Variants in CTNNA2 observed in about 807,000 individuals in gnomAD.
The protein encoded by CTNNA2 is catenin alpha 2, also known as catenin alpha-2.
In CTNNA2, 42 loss-of-function variants were observed where a neutral mutation model predicts 101.0. That is an observed-to-expected ratio of 0.42 (90% CI 0.32 to 0.54). The LOEUF (loss-of-function observed/expected upper bound fraction) is 0.54. Ranked by LOEUF, CTNNA2 falls within the 20% of genes least tolerant of loss-of-function variation. The probability of loss-of-function intolerance (pLI) is 0.14; values close to 1 mark genes in which losing one functional copy is unlikely to be tolerated. For synonymous variants in CTNNA2, 450 were observed against 456.4 expected (o/e 0.99, Z 0.18); for missense variants, 871 against 1,223.1 (o/e 0.71, Z 4.29).
At chr2:79,910,515 G>C (rs17339632) in intron 7 of CTNNA2, among the ~76,000 whole-genome samples, 38,500 of 152,098 alleles carry the variant, frequency 0.25, 5,172 homozygotes, top group Admixed American at 0.33. Context: ...GTATTGATTT[G>C]CTACATTCAT....
intron 4 of CTNNA2, among the ~76,000 whole-genome samples, chr2:79,401,709 G>T (rs996358646): frequency 1.3e-5 from 2 of 151,248 alleles, no homozygotes; most frequent in Non-Finnish European, 3.0e-5. Context: ...AAAAAACCCA[G>T]ATGTAAGCCA....
At chr2:79,595,822 T>C (rs1463456513) in intron 1 of CTNNA2, among the ~76,000 whole-genome samples, 2 of 151,908 alleles carry the variant, frequency 1.3e-5, no homozygotes, top group African/African-American at 4.8e-5. Context: ...AAACTGATCA[T>C]GTGCTGTTTT....
chr2:80,218,604 T>C (rs1290081113), intron 7 of CTNNA2, among the ~76,000 whole-genome samples: 1 of 152,228 alleles, frequency 6.6e-6, no homozygotes. Context: ...TTACCCTCTA[T>C]TAGGCTCAGT....
chr2:80,284,048 A>G lies in CTNNA2; in HGVS notation c.1057-109163A>G, dbSNP rs1674577171. On this transcript the variant is annotated intron_variant, in intron 7 of 18. Coordinates refer to ENST00000402739, the MANE Select transcript of CTNNA2 (RefSeq NM_001282597.3). The stretch of plus-strand genomic sequence containing the variant: ...ATCCCATTCATGGCAATCCAAGTGG[A>G]AGAGATTCTGCCTTCTTTCTTCAGC... Among the ~76,000 whole-genome samples the G allele has an allele frequency of 2.0e-5, 3 of 152,166 alleles. No homozygotes were observed. In the South Asian group the frequency reaches 6.2e-4, roughly 31 times the overall value.
intron 7 of CTNNA2, among the ~76,000 whole-genome samples, chr2:80,211,702 T>C (rs1327202582): frequency 6.6e-6 from 1 of 152,248 alleles, no homozygotes; most frequent in Non-Finnish European, 1.5e-5. Flanking sequence ...CAATGTGGGC[T>C]CTTTTTTGGT....
At chr2:79,657,361 G>A (rs1338124129) in intron 2 of CTNNA2, among the ~76,000 whole-genome samples, 1 of 151,592 alleles carries the variant, frequency 6.6e-6, no homozygotes, top group East Asian at 1.9e-4. Context: ...TCAGTTCCTA[G>A]AAAAAAATAA....
chr2:79,921,585 T>A (rs984808912), intron 7 of CTNNA2, among the ~76,000 whole-genome samples: 2 of 152,232 alleles, frequency 1.3e-5, no homozygotes, highest in African/African-American at 4.8e-5. Context: ...ACTCATCTAC[T>A]TTTCCATTTA....
chr2:79,873,738 C>T (rs1028823038), intron 5 of CTNNA2, among the ~76,000 whole-genome samples: 5 of 147,256 alleles, frequency 3.4e-5, no homozygotes, highest in African/African-American at 7.5e-5. Context: ...ACTTCCACAA[C>T]TTTTTTTTTT....
intron 7 of CTNNA2, among the ~76,000 whole-genome samples, chr2:80,098,540 CA>C (rs1189967793): frequency 1.3e-5 from 2 of 152,220 alleles, no homozygotes; most frequent in African/African-American, 2.4e-5. Flanking sequence ...AGCTGTCAGA[CA>C]GGGACATTTA....
chr2:80,641,076 A>C (rs1673422246), intron 18 of CTNNA2, among the ~76,000 whole-genome samples: 1 of 152,162 alleles, frequency 6.6e-6, no homozygotes, highest in South Asian at 2.1e-4. Flanking sequence ...GCATTATCAA[A>C]CTCATTAGTG....
At chr2:80,167,931 C>CGGCTGTTTG (rs970809098) in intron 7 of CTNNA2, among the ~76,000 whole-genome samples, 3 of 152,146 alleles carry the variant, frequency 2.0e-5, no homozygotes, top group African/African-American at 7.2e-5. Flanking sequence ...AGGGGCTCTG[C>CGGCTGTTTG]GGCTGTTTGT....
chr2:80,088,803 G>C (rs1226918455), intron 7 of CTNNA2, among the ~76,000 whole-genome samples: 5 of 152,190 alleles, frequency 3.3e-5, no homozygotes, highest in African/African-American at 9.6e-5. Context: ...AGAAGAAGAA[G>C]AACACTCAAC....
chr2:80,524,686 A>G (rs986275347), intron 9 of CTNNA2, among the ~76,000 whole-genome samples: 4 of 151,860 alleles, frequency 2.6e-5, no homozygotes, highest in Admixed American at 2.6e-4. Flanking sequence ...TTTTGCCATT[A>G]CCTCCTTCCC....
At chr2:80,262,866 A>G (rs1672717187) in intron 7 of CTNNA2, among the ~76,000 whole-genome samples, 2 of 152,116 alleles carry the variant, frequency 1.3e-5, no homozygotes, top group South Asian at 4.1e-4. Context: ...GACCCTTTCA[A>G]AATTTCCAGA....
At chr2:80,408,078 C>T (rs184514907) in intron 8 of CTNNA2, among the ~76,000 whole-genome samples, 15 of 152,340 alleles carry the variant, frequency 9.8e-5, no homozygotes, top group South Asian at 2.1e-4. Flanking sequence ...CCCTTCCTCA[C>T]TCAACAGCAT....
chr2:80,392,301 T>G (rs1212842641), intron 7 of CTNNA2, among the ~76,000 whole-genome samples: 1 of 152,208 alleles, frequency 6.6e-6, no homozygotes, highest in East Asian at 1.9e-4. Context: ...GCACCATAAA[T>G]AAATCAATCT....
intron 1 of CTNNA2, among the ~76,000 whole-genome samples, chr2:79,554,451 A>G (rs982903581): frequency 1.1e-4 from 16 of 152,138 alleles, no homozygotes; most frequent in African/African-American, 3.6e-4. Context: ...ATATAATTTT[A>G]TACACTGTAC....
At chr2:79,392,518 G>A (rs1678185325) in intron 4 of CTNNA2, among the ~76,000 whole-genome samples, 1 of 152,132 alleles carries the variant, frequency 6.6e-6, no homozygotes, top group Admixed American at 6.5e-5. Context: ...CTCCTTATGA[G>A]TCGTTTTCAT....
At chr2:79,787,006 A>G (rs1674895558) in intron 3 of CTNNA2, among the ~76,000 whole-genome samples, 1 of 152,008 alleles carries the variant, frequency 6.6e-6, no homozygotes, top group South Asian at 2.1e-4. Context: ...ATGCCTTGGC[A>G]TTATCTCCTC....
Sources: gnomAD v4.1 joint callset for allele counts (sites outside exome capture counted in the v4.1 genomes callset) on GRCh38, gnomAD v4.1.1 for gene constraint, MANE v1.5 for transcripts, NCBI Gene and HGNC (gene_info 2026-07-23, HGNC 2026-07-21) for gene names.